SLC16A12: variants seen among roughly 807,000 people sequenced by gnomAD.
SLC16A12 encodes solute carrier family 16 member 12.
Under a neutral mutation model 42.4 loss-of-function variants are expected in SLC16A12, and 17 were observed. The observed-to-expected ratio is 0.40, with a 90% CI of 0.27 to 0.60. The LOEUF (loss-of-function observed/expected upper bound fraction) is 0.60, where lower values mean the gene tolerates loss of function less well. Among genes scored for constraint, SLC16A12 ranks in the 20% least tolerant of loss-of-function variants. The probability of loss-of-function intolerance (pLI) is 0.42; values close to 1 mark genes in which losing one functional copy is unlikely to be tolerated. For missense variants in SLC16A12, 544 were observed against 623.0 expected, an observed-to-expected ratio of 0.87 and a Z score of 1.35; for synonymous variants, 224 against 229.4, an observed-to-expected ratio of 0.98 and a Z score of 0.21.
At chr10:89,518,383 G>A (rs535037044) in intron 2 of SLC16A12, among the ~76,000 whole-genome samples, 7 of 152,256 alleles carry the variant, frequency 4.6e-5, no homozygotes, top group Admixed American at 2.0e-4. Flanking sequence ...AAGACAAGTC[G>A]TGCCCTAACC....
At chr10:89,476,503 G>A (rs1052407905) in intron 2 of SLC16A12, among the ~76,000 whole-genome samples, 2 of 152,126 alleles carry the variant, frequency 1.3e-5, no homozygotes, top group Non-Finnish European at 2.9e-5. Context: ...GGACCCTGGA[G>A]GCTCCCACTC....
chr10:89,468,287 T>C (rs1382225337), intron 2 of SLC16A12: 2 of 152,206 alleles, frequency 1.3e-5, no homozygotes, highest in African/African-American at 4.8e-5. Flanking sequence ...GCAATACTAT[T>C]ACTAACAATT....
intron 2 of SLC16A12, among the ~76,000 whole-genome samples, chr10:89,475,867 G>A (rs1353233868): frequency 2.6e-5 from 4 of 152,158 alleles, no homozygotes; most frequent in Admixed American, 2.6e-4. Flanking sequence ...CACATACGAG[G>A]CAGACAGTAG....
At chr10:89,512,813 A>T (rs1475906641) in intron 2 of SLC16A12, among the ~76,000 whole-genome samples, 3 of 152,216 alleles carry the variant, frequency 2.0e-5, no homozygotes, top group Non-Finnish European at 2.9e-5. Flanking sequence ...AGGGGGTTGG[A>T]ACCTCTGATT....
intron 2 of SLC16A12, among the ~76,000 whole-genome samples, chr10:89,508,446 T>C (rs929688993): frequency 3.3e-5 from 5 of 152,178 alleles, no homozygotes; most frequent in Admixed American, 6.5e-5. Context: ...CACAGCTACA[T>C]GGAAACTGAA....
rs548618053 is a variant in SLC16A12 at position 89,455,636 on chromosome 10, T to C, written c.200+6743A>G. Among the ~76,000 whole-genome samples the C allele has an allele frequency of 2.6e-5, 4 of 152,318 alleles. No homozygotes were observed. In the South Asian group the frequency reaches 6.2e-4, roughly 24 times the overall value. ...TGTATGCCTCTGAACACAGGCATGA[T>C]ATTAAATAAATGAAATTTTATTGGG... On this transcript the variant is annotated intron_variant, in intron 3 of 7. Coordinates refer to ENST00000371790, the MANE Select transcript of SLC16A12 (RefSeq NM_213606.4).
chr10:89,449,292 A>G (rs1356675548), intron 3 of SLC16A12, among the ~76,000 whole-genome samples: 1 of 152,230 alleles, frequency 6.6e-6, no homozygotes, highest in Non-Finnish European at 1.5e-5. Context: ...AACTGCCTGC[A>G]TTGCCAAGAC....
At chr10:89,515,559 CCAGATGCTTCTTATCCCCG>C (rs1843237404) in intron 2 of SLC16A12, among the ~76,000 whole-genome samples, 1 of 152,186 alleles carries the variant, frequency 6.6e-6, no homozygotes, top group Non-Finnish European at 1.5e-5. Flanking sequence ...AAGTGCAGTT[CCAGATGCTTCTTATCCCCG>C]TTTTCCCACA....
At chr10:89,532,147 TAATA>T (rs1301956462) in intron 2 of SLC16A12, among the ~76,000 whole-genome samples, 5 of 152,246 alleles carry the variant, frequency 3.3e-5, no homozygotes, top group South Asian at 2.1e-4. Flanking sequence ...TTCATTAAAT[TAATA>T]AATGAATGAG....
chr10:89,548,791 G>A (rs1843754934), intron 2 of SLC16A12, among the ~76,000 whole-genome samples: 1 of 152,182 alleles, frequency 6.6e-6, no homozygotes, highest in Non-Finnish European at 1.5e-5. Context: ...ACTCCAACCT[G>A]GGTGACAGAG....
chr10:89,525,866 C>A (rs999784849), intron 2 of SLC16A12, among the ~76,000 whole-genome samples: 1 of 152,178 alleles, frequency 6.6e-6, no homozygotes, highest in Non-Finnish European at 1.5e-5. Context: ...CAAGGGAGAA[C>A]TAAGATACGG....
intron 2 of SLC16A12, among the ~76,000 whole-genome samples, chr10:89,503,579 A>T (rs1051573988): frequency 3.3e-5 from 5 of 152,226 alleles, no homozygotes; most frequent in African/African-American, 1.2e-4. Flanking sequence ...ATGAATTTCT[A>T]GATGTGCCCA....
intron 3 of SLC16A12, among the ~76,000 whole-genome samples, chr10:89,457,568 G>A (rs138053746): frequency 2.6e-5 from 4 of 152,268 alleles, no homozygotes; most frequent in East Asian, 1.9e-4. Flanking sequence ...AAGACAGTGC[G>A]GTGATTCCTC....
chr10:89,459,865 C>T (rs894272486), intron 3 of SLC16A12, among the ~76,000 whole-genome samples: 3 of 152,118 alleles, frequency 2.0e-5, no homozygotes, highest in Non-Finnish European at 2.9e-5. Context: ...CACTTGAACC[C>T]GGGAGGCGGA....
At chr10:89,550,353 T>TA (rs1305690659) in intron 2 of SLC16A12, among the ~76,000 whole-genome samples, 12 of 152,172 alleles carry the variant, frequency 7.9e-5, no homozygotes, top group Non-Finnish European at 1.5e-4. Flanking sequence ...ACCCCGTCTC[T>TA]ACTAAAAATA....
At chr10:89,479,246 G>A (rs1170016473) in intron 2 of SLC16A12, among the ~76,000 whole-genome samples, 3 of 151,906 alleles carry the variant, frequency 2.0e-5, no homozygotes, top group Non-Finnish European at 4.4e-5. Flanking sequence ...GCTGTAAGAG[G>A]GGTTGCTTAT....
intron 3 of SLC16A12, among the ~76,000 whole-genome samples, chr10:89,456,636 C>T (rs1842195239): frequency 6.6e-6 from 1 of 151,928 alleles, no homozygotes; most frequent in Non-Finnish European, 1.5e-5. Flanking sequence ...CTGCACCTAT[C>T]AACCCATCAC....
chr10:89,539,857 T>TTTCTTTC (rs1843700720), upstream of SLC16A12, among the ~76,000 whole-genome samples: 137 of 127,952 alleles, frequency 1.1e-3, no homozygotes, highest in African/African-American at 3.8e-3. Flanking sequence ...AGAAACAAAT[T>TTTCTTTC]TTTCTTTCTT....
intron 2 of SLC16A12, among the ~76,000 whole-genome samples, chr10:89,499,566 A>T (rs895103302): frequency 7.2e-5 from 11 of 152,194 alleles, no homozygotes; most frequent in Non-Finnish European, 1.2e-4. Flanking sequence ...GTCAAAATGA[A>T]ATCAAGATAG....
Sources: allele counts gnomAD v4.1 joint callset (sites outside exome capture counted in the v4.1 genomes callset), GRCh38; gene constraint gnomAD v4.1.1; transcripts MANE v1.5; gene names NCBI Gene and HGNC (gene_info 2026-07-23, HGNC 2026-07-21).